The following ALPK2 variants were observed in gnomAD, a reference collection of about 807,000 sequenced individuals.
The protein encoded by ALPK2 is alpha-protein kinase 2.
ALPK2 carries 127 observed loss-of-function variants against 163.1 expected under a neutral mutation model. The ratio of observed to expected loss-of-function variants is 0.78; its 90% confidence interval spans 0.67 to 0.90. The LOEUF (loss-of-function observed/expected upper bound fraction) is 0.90. Among genes scored for constraint, ALPK2 ranks in the 40% least tolerant of loss-of-function variants. The pLI is 0.00. For synonymous variants in ALPK2, 953 were observed against 959.1 expected (o/e 0.99, Z 0.12); for missense variants, 2,360 against 2,589.6 (o/e 0.91, Z 1.92).
rs779789870 is a variant in ALPK2 at position 58,523,860 on chromosome 18, G to T, written c.5630-19C>A. ...TTGAGAACTAGAAGAAGACAAAGCA[G>T]AGAATGGCTTCAGTACAGATGTCCA... On this transcript the variant is annotated intron_variant, in intron 7 of 12. Coordinates refer to ENST00000361673, the MANE Select transcript of ALPK2 (RefSeq NM_052947.4). 1.2e-6 allele frequency: 2 copies of T among 1,614,208 alleles called. No homozygotes were observed. Among genetic ancestry groups the T allele is most frequent in the East Asian group, 4.5e-5 (2 of 44,886 alleles).
chr18:58,548,145 C>T (rs932321007), intron 4 of ALPK2, among the ~76,000 whole-genome samples: 3 of 152,096 alleles, frequency 2.0e-5, no homozygotes, highest in Admixed American at 6.5e-5. Context: ...TGATGGTATT[C>T]GGCTATTGGA....
At chr18:58,582,545 A>G (rs115786972) in intron 3 of ALPK2, among the ~76,000 whole-genome samples, 56 of 149,578 alleles carry the variant, frequency 3.7e-4, no homozygotes, top group African/African-American at 1.3e-3. Context: ...CTGCAGTTTC[A>G]TGTCATCCAG....
intron 10 of ALPK2, among the ~76,000 whole-genome samples, chr18:58,509,446 G>A (rs536687694): frequency 0.041 from 6,161 of 152,108 alleles, 182 homozygotes; most frequent in Middle Eastern, 0.078. Flanking sequence ...CTAGATCCCT[G>A]AGGAATCGCC....
chr18:58,573,234 G>GTATATATATATATATGTGTATATA (rs1568089287), intron 4 of ALPK2, among the ~76,000 whole-genome samples: 1 of 116,506 alleles, frequency 8.6e-6, no homozygotes, highest in African/African-American at 3.6e-5. Flanking sequence ...GTGTATATGT[G>GTATATATATATATATGTGTATATA]TGTATATATG....
At position 58,535,908 on chromosome 18, in the gene ALPK2, G is replaced by A. The variant is rs1568077746; in HGVS notation, c.4279C>T (p.Pro1427Ser). The A allele has an allele frequency of 6.2e-7, 1 of 1,614,184 alleles. No homozygotes were observed. Among genetic ancestry groups the A allele is most frequent in the South Asian group, 1.1e-5 (1 of 91,086 alleles). ...AGKPEPSETTPQGAREGGQSN... is the reference protein window; with the variant it reads ...AGKPEPSETTSQGAREGGQSN... Reference sequence around the variant, plus strand: ...TGACCCCCTTCTCTGGCGCCCTGTGGTGTGGTTTCAGAGGGCTCTGGTTTT... The same window carrying A: ...TGACCCCCTTCTCTGGCGCCCTGTGATGTGGTTTCAGAGGGCTCTGGTTTT... The change falls in exon 5 of 13, where the codon CCA (proline) becomes TCA (serine). Residue 1427 changes from proline to serine, a missense_variant. By Grantham distance (74) the Pro-to-Ser change is moderately conservative. Transcript: ENST00000361673.
At chr18:58,518,048 AG>A (rs1379665100) in intron 8 of ALPK2, among the ~76,000 whole-genome samples, 6 of 152,322 alleles carry the variant, frequency 3.9e-5, no homozygotes, top group Admixed American at 3.9e-4. Context: ...ATTCACTGAG[AG>A]AAGAAAATTA....
intron 12 of ALPK2, among the ~76,000 whole-genome samples, chr18:58,493,831 G>A (rs1309699103): frequency 6.6e-6 from 1 of 152,134 alleles, no homozygotes; most frequent in African/African-American, 2.4e-5. Flanking sequence ...GTCCTTTACG[G>A]CTGTCCATAT....
At chr18:58,580,968 A>G (rs1237065900) in intron 3 of ALPK2, 1 of 158,470 alleles carries the variant, frequency 6.3e-6, no homozygotes, top group Non-Finnish European at 1.4e-5. Flanking sequence ...AAACAATCAT[A>G]AAAATGAGCA....
rs141401713 is a variant in ALPK2 at position 58,578,913 on chromosome 18, T to C, written c.1863A>G (p.Ser621=). 57 of 1,614,238 alleles carry C rather than the reference T, an allele frequency of 3.5e-5. No individual in the cohort carries two copies. The African/African-American group carries it at 7.5e-4, about 21-fold the overall frequency. The change falls in exon 4 of 13, where the codon TCA becomes TCG. Residue 621 remains serine, a synonymous_variant. Coordinates refer to ENST00000361673, the MANE Select transcript of ALPK2 (RefSeq NM_052947.4). ...AATTTGTGTTGCCTTCTTTGGAGAC[T>C]GAGTCTGTTGAAGTTTGAAGGGTTT... ...EAKTLQTSTD[S]VSKEGNTNCK...
chr18:58,575,136 CT>C (rs1327730956), intron 4 of ALPK2, among the ~76,000 whole-genome samples: 1 of 151,526 alleles, frequency 6.6e-6, no homozygotes, highest in African/African-American at 2.4e-5. Flanking sequence ...TCACTTGAAC[CT>C]GGGGGGCAGA....
intron 10 of ALPK2, among the ~76,000 whole-genome samples, chr18:58,509,472 A>G (rs2144118305): frequency 6.6e-6 from 1 of 152,232 alleles, no homozygotes; most frequent in South Asian, 2.1e-4. Context: ...GACTTCCACA[A>G]TGGTTGAACT....
At chr18:58,607,197 T>C in intron 3 of ALPK2, 125 bp downstream of exon 3, 1 of 595,414 alleles carries the variant, frequency 1.7e-6, no homozygotes, top group Non-Finnish European at 2.8e-6. Context: ...TGCCTGCCAA[T>C]GGCATCTAAA....
intron 4 of ALPK2, among the ~76,000 whole-genome samples, chr18:58,573,232 G>A (rs8099386): frequency 1.2e-3 from 13 of 10,798 alleles, no homozygotes; most frequent in Admixed American, 2.6e-3. Context: ...ATGTGTATAT[G>A]TGTGTATATA....
chr18:58,517,965 A>G (rs1248792667), intron 8 of ALPK2, among the ~76,000 whole-genome samples: 2 of 152,198 alleles, frequency 1.3e-5, no homozygotes, highest in Non-Finnish European at 2.9e-5. Flanking sequence ...TGGATTCTAC[A>G]CATGTTTGAG....
chr18:58,592,625 G>A (rs1015211861), intron 3 of ALPK2, among the ~76,000 whole-genome samples: 3 of 152,184 alleles, frequency 2.0e-5, no homozygotes, highest in African/African-American at 4.8e-5. Context: ...GCTCCGGTGT[G>A]GAGGGTGCGG....
chr18:58,546,746 G>A (rs541371101), intron 4 of ALPK2, among the ~76,000 whole-genome samples: 1 of 152,086 alleles, frequency 6.6e-6, no homozygotes, highest in Non-Finnish European at 1.5e-5. Flanking sequence ...TTCTTTTCCT[G>A]CATGCATCTG....
At chr18:58,482,689 C>G (rs7231641) in intron 12 of ALPK2, among the ~76,000 whole-genome samples, 49,824 of 152,008 alleles carry the variant, frequency 0.33, 9,030 homozygotes, top group African/African-American at 0.49. Flanking sequence ...CCCTAAAAGG[C>G]TCCATGCTGA....
At position 58,537,702 on chromosome 18, in the gene ALPK2, T is replaced by TATC. The variant is rs1272678009; in HGVS notation, c.2482_2484dup (p.Asp828dup). On this transcript the variant is annotated inframe_insertion, in exon 5 of 13. Coordinates refer to ENST00000361673, the MANE Select transcript of ALPK2 (RefSeq NM_052947.4). ...GAGCAAATTTCTTGAGGCGAATATT[T>TATC]ATCAACTGGTCTCCCAACAAGAGAA... 1.2e-6 allele frequency: 2 copies of TATC among 1,614,128 alleles called. No individual in the cohort carries two copies. The highest frequency in any genetic ancestry group is 3.3e-5 in the Admixed American group (2 of 60,022).
chr18:58,627,409 T>C (rs1040569432), intron 1 of ALPK2, among the ~76,000 whole-genome samples: 1 of 152,054 alleles, frequency 6.6e-6, no homozygotes, highest in Non-Finnish European at 1.5e-5. Flanking sequence ...TCACCTGAGG[T>C]CAGGAGTTCA....
Sources: allele counts gnomAD v4.1 joint callset (sites outside exome capture counted in the v4.1 genomes callset), GRCh38; gene constraint gnomAD v4.1.1; transcripts MANE v1.5; gene names NCBI Gene and HGNC (gene_info 2026-07-23, HGNC 2026-07-21).